The following FBXO11 variants were observed in gnomAD, a reference collection of about 807,000 sequenced individuals.
FBXO11 encodes F-box protein 11, also known as F-box only protein 11.
A neutral mutation model predicts 117.0 loss-of-function variants in FBXO11; 13 were observed. The observed-to-expected ratio is 0.11, with a 90% CI of 0.07 to 0.18. The LOEUF is 0.18. FBXO11 is among the 10% of genes least tolerant of loss of function. The pLI is 1.00. For synonymous variants in FBXO11, 490 were observed against 380.5 expected (o/e 1.29, Z -3.35); for missense variants, 767 against 1,164.4 (o/e 0.66, Z 4.97).
intron 1 of FBXO11, among the ~76,000 whole-genome samples, chr2:47,847,770 T>A (rs967006549): frequency 2.0e-5 from 3 of 151,874 alleles, no homozygotes; most frequent in Non-Finnish European, 4.4e-5. Context: ...CAGTCTGTTG[T>A]TGATGAAAAC....
intron 14 of FBXO11, 75 bp downstream of exon 14, chr2:47,820,287 A>C: frequency 8.6e-7 from 1 of 1,156,486 alleles, no homozygotes; most frequent in South Asian, 1.5e-5. Flanking sequence ...GGCCTACCTA[A>C]AAGCTTGAGG....
chr2:47,886,025 T>C (rs145021751), intron 1 of FBXO11, among the ~76,000 whole-genome samples: 2 of 152,352 alleles, frequency 1.3e-5, no homozygotes, highest in East Asian at 1.9e-4. Context: ...GCATTAATGA[T>C]GGGATTATAA....
At position 47,878,661 on chromosome 2, in the gene FBXO11, A is replaced by AT. The variant is rs537844418; in HGVS notation, c.232+26827dup. Among the ~76,000 whole-genome samples, 617 of 135,710 alleles carry AT rather than the reference A, an allele frequency of 4.5e-3. 7 individuals carry two copies. The highest frequency in any genetic ancestry group is 0.032 in the East Asian group (145 of 4,504). 89.0% of individuals were successfully genotyped at this position (135,710 alleles called of 152,430 possible). On this transcript the variant is annotated intron_variant, in intron 1 of 22. Coordinates refer to ENST00000403359, the MANE Select transcript of FBXO11 (RefSeq NM_001190274.2). ...ACAGGTGTGAGCCACTGCGTCCAGC[A>AT]TTTTTTTTTTTTTTTTAAAGGAATG...
At chr2:47,831,484 G>C (rs1192797902) in intron 11 of FBXO11, among the ~76,000 whole-genome samples, 1 of 142,540 alleles carries the variant, frequency 7.0e-6, no homozygotes, top group African/African-American at 2.6e-5. Flanking sequence ...TTGTATAGAT[G>C]AATCCAACAT....
intron 11 of FBXO11, among the ~76,000 whole-genome samples, chr2:47,826,138 A>C (rs1393170046): frequency 6.6e-6 from 1 of 151,918 alleles, no homozygotes; most frequent in Non-Finnish European, 1.5e-5. Flanking sequence ...GGCTCACTGC[A>C]ACCTCCATGT....
intron 1 of FBXO11, among the ~76,000 whole-genome samples, chr2:47,856,587 A>G (rs1674312998): frequency 6.6e-6 from 1 of 152,234 alleles, no homozygotes; most frequent in Admixed American, 6.5e-5. Flanking sequence ...AATCCATCAA[A>G]ACAGCTAGAA....
chr2:47,836,038 A>C (rs756031753), intron 4 of FBXO11, 37 bp from the exon 5 acceptor site: 1 of 1,494,326 alleles, frequency 6.7e-7, no homozygotes, highest in Non-Finnish European at 9.1e-7. Flanking sequence ...TCTTGATAAA[A>C]TGTCCTTTAG....
intron 1 of FBXO11, among the ~76,000 whole-genome samples, chr2:47,903,430 T>G (rs982792821): frequency 6.6e-6 from 1 of 152,190 alleles, no homozygotes; most frequent in African/African-American, 2.4e-5. Context: ...ATTGACAGTT[T>G]ATAGACATCA....
chr2:47,809,031 T>C (rs1003719726), intron 21 of FBXO11, 127 bp downstream of exon 21: 12 of 593,148 alleles, frequency 2.0e-5, no homozygotes, highest in East Asian at 3.0e-5. Context: ...TTCAAGTAGA[T>C]TGATGATAAA....
At chr2:47,856,837 G>C (rs2103703108) in intron 1 of FBXO11, among the ~76,000 whole-genome samples, 1 of 152,274 alleles carries the variant, frequency 6.6e-6, no homozygotes, top group South Asian at 2.1e-4. Flanking sequence ...AATGTAAAAG[G>C]CAAGAACCAC....
At chr2:47,834,472 C>T (rs1672412938) in intron 7 of FBXO11, 107 bp downstream of exon 7, 4 of 772,390 alleles carry the variant, frequency 5.2e-6, no homozygotes, top group African/African-American at 1.8e-5. Flanking sequence ...TCCTACTTTA[C>T]CAGCAGGATA....
intron 1 of FBXO11, among the ~76,000 whole-genome samples, chr2:47,887,305 G>A (rs1436166562): frequency 1.3e-5 from 2 of 150,694 alleles, no homozygotes; most frequent in Non-Finnish European, 3.0e-5. Flanking sequence ...AGGTGGGGGG[G>A]AGGGGGGAGA....
At chr2:47,846,603 G>A (rs925124034) in intron 1 of FBXO11, among the ~76,000 whole-genome samples, 6 of 151,706 alleles carry the variant, frequency 4.0e-5, no homozygotes, top group African/African-American at 1.5e-4. Flanking sequence ...ATAATTCACA[G>A]AAAAATTTAG....
At chr2:47,838,755 C>T in intron 4 of FBXO11, 104 bp downstream of exon 4, 1 of 1,004,034 alleles carries the variant, frequency 1.0e-6, no homozygotes, top group Admixed American at 2.5e-5. Flanking sequence ...TTTGTTCCAA[C>T]TAATTGTAAC....
intron 18 of FBXO11, among the ~76,000 whole-genome samples, chr2:47,812,105 T>A (rs1187743623): frequency 1.3e-5 from 2 of 150,898 alleles, no homozygotes; most frequent in African/African-American, 4.8e-5. Flanking sequence ...TTACTGCATA[T>A]GGAAAACCTC....
At chr2:47,872,071 C>T (rs1053201621) in intron 1 of FBXO11, among the ~76,000 whole-genome samples, 4 of 152,152 alleles carry the variant, frequency 2.6e-5, no homozygotes, top group African/African-American at 9.7e-5. Context: ...TTTTCCGGCA[C>T]CATTTCTGCT....
Position 47,900,666 on chromosome 2 carries a change from ACG to A in FBXO11, c.232+4821_232+4822del, listed in dbSNP as rs1491244150. On this transcript the variant is annotated intron_variant, in intron 1 of 22. Transcript: ENST00000403359. ...TATATACACACGTATACACACACGTACGTATATACACACGTATACACACACGT... is the reference window on the plus strand; with the variant it reads ...TATATACACACGTATACACACACGTATATATACACACGTATACACACACGT... 6.7e-4 allele frequency among the ~76,000 whole-genome samples: 42 copies of A among 62,766 alleles called. 3 individuals are homozygous for A. Among genetic ancestry groups the A allele is most frequent in the East Asian group, 5.7e-3 (4 of 696 alleles). 41.2% of individuals were successfully genotyped at this position (62,766 alleles called of 152,430 possible).
At chr2:47,839,569 G>C (rs1325530663) in intron 2 of FBXO11, 69 bp from the exon 3 acceptor site, 2 of 1,602,758 alleles carry the variant, frequency 1.2e-6, no homozygotes, top group African/African-American at 2.7e-5. Flanking sequence ...TTCTAAAAAA[G>C]GATGACATTC....
intron 1 of FBXO11, among the ~76,000 whole-genome samples, chr2:47,854,449 T>C (rs1206364120): frequency 1.3e-5 from 2 of 151,914 alleles, no homozygotes; most frequent in Non-Finnish European, 1.5e-5. Flanking sequence ...AAGTCAAATA[T>C]GGAGTATTAG....
Sources: allele counts gnomAD v4.1 joint callset (sites outside exome capture counted in the v4.1 genomes callset), GRCh38; gene constraint gnomAD v4.1.1; transcripts MANE v1.5; gene names NCBI Gene and HGNC (gene_info 2026-07-23, HGNC 2026-07-21).